PUDP: variants seen among roughly 807,000 people sequenced by gnomAD.
PUDP encodes pseudouridine-5'-phosphatase.
In PUDP, 8 loss-of-function variants were observed where a neutral mutation model predicts 9.4. The observed-to-expected ratio is 0.85, with a 90% CI of 0.50 to 1.53. The LOEUF (loss-of-function observed/expected upper bound fraction) is 1.53, where lower values mean the gene tolerates loss of function less well. Ranked by LOEUF, PUDP falls within the 40% of genes most tolerant of loss-of-function variation. The pLI, the probability that PUDP is intolerant of heterozygous loss-of-function variation, is 0.00. For synonymous variants in PUDP, 99 were observed against 80.7 expected (o/e 1.23, Z -1.22); for missense variants, 188 against 189.7 (o/e 0.99, Z 0.05).
chrX:6,771,131 C>T (rs973138319), intron 3 of PUDP, among the ~76,000 whole-genome samples: 1 of 111,690 alleles, frequency 9.0e-6, no homozygotes, highest in African/African-American at 3.3e-5. Context: ...CTCTGACACA[C>T]ATACCAGGCT....
At chrX:6,850,290 A>C (rs1166743024) in intron 3 of PUDP, among the ~76,000 whole-genome samples, 1 of 112,213 alleles carries the variant, frequency 8.9e-6, no homozygotes, top group African/African-American at 3.2e-5. Flanking sequence ...TTGTTCAGGA[A>C]TTTAATATCC....
At chrX:6,958,056 G>A (rs746813896) in intron 3 of PUDP, among the ~76,000 whole-genome samples, 4 of 112,059 alleles carry the variant, frequency 3.6e-5, no homozygotes, top group African/African-American at 1.3e-4. Flanking sequence ...CTACAGAAAG[G>A]GTACACGCTC....
Position 6,903,534 on chromosome X carries a change from C to A in PUDP, c.*247+73599G>T, listed in dbSNP as rs1363321058. Reference sequence around the variant, plus strand: ...AGTCATAATAGCAAAGTCACAGAACCAACATAGTGTCCATCAATGGCTGAC... The same window carrying A: ...AGTCATAATAGCAAAGTCACAGAACAAACATAGTGTCCATCAATGGCTGAC... On this transcript the variant is annotated intron_variant and NMD_transcript_variant, in intron 3 of 3. Transcript: ENST00000655425. Among the ~76,000 whole-genome samples, 4 of 111,328 alleles carry A rather than the reference C, an allele frequency of 3.6e-5. No individual in the cohort carries two copies. In the South Asian group the frequency reaches 1.5e-3, roughly 42 times the overall value.
intron 1 of PUDP, among the ~76,000 whole-genome samples, chrX:7,126,199 T>C (rs1332684876): frequency 3.6e-5 from 4 of 111,876 alleles, no homozygotes; most frequent in Non-Finnish European, 7.5e-5. Context: ...TTAGCTGTTA[T>C]GCTTTTGGTT....
At chrX:7,018,899 C>T (rs948565207) in intron 1 of PUDP, among the ~76,000 whole-genome samples, 1 of 112,191 alleles carries the variant, frequency 8.9e-6, no homozygotes, top group African/African-American at 3.2e-5. Context: ...TAAACAGACC[C>T]AGAATTGGGA....
chrX:6,890,286 G>C (rs1274059166), intron 3 of PUDP, among the ~76,000 whole-genome samples: 2 of 111,587 alleles, frequency 1.8e-5, no homozygotes, highest in Non-Finnish European at 3.8e-5. Flanking sequence ...AAATACCCTG[G>C]ACATTTAGAA....
chrX:6,747,640 C>T (rs748828416), intron 3 of PUDP, among the ~76,000 whole-genome samples: 2 of 112,115 alleles, frequency 1.8e-5, no homozygotes, highest in East Asian at 2.8e-4. Flanking sequence ...AATAATTTTA[C>T]GGGATCATAA....
At chrX:7,000,636 G>GA (rs921838076) in intron 1 of PUDP, among the ~76,000 whole-genome samples, 5 of 106,649 alleles carry the variant, frequency 4.7e-5, no homozygotes, top group African/African-American at 1.0e-4. Flanking sequence ...AAATAAAATA[G>GA]AAAAAAAATT....
chrX:6,800,621 C>T (rs1569101525), intron 3 of PUDP, among the ~76,000 whole-genome samples: 1 of 111,862 alleles, frequency 8.9e-6, no homozygotes. Context: ...GAAGGATGCT[C>T]GGACAACATC....
intron 3 of PUDP, among the ~76,000 whole-genome samples, chrX:6,903,250 A>G (rs1927717290): frequency 8.9e-6 from 1 of 112,101 alleles, no homozygotes; most frequent in South Asian, 3.8e-4. Flanking sequence ...CAGGAATCCT[A>G]TATAAGAAAC....
chrX:6,778,463 T>C (rs1925503509), intron 3 of PUDP, among the ~76,000 whole-genome samples: 1 of 112,633 alleles, frequency 8.9e-6, no homozygotes, highest in Admixed American at 9.4e-5. Flanking sequence ...CTCTTTGATT[T>C]CCAGGGAATT....
intron 1 of PUDP, among the ~76,000 whole-genome samples, chrX:7,128,583 G>A (rs1932541355): frequency 9.0e-6 from 1 of 111,104 alleles, no homozygotes; most frequent in African/African-American, 3.3e-5. Flanking sequence ...GGCAGTCGCT[G>A]CCCTGGAGAA....
rs1263021077 is a variant in PUDP at position 7,012,954 on chromosome X, AT to A, written c.205-34612del. Among the ~76,000 whole-genome samples the A allele has an allele frequency of 1.3e-4, 14 of 110,644 alleles. 1 individual carries two copies. Among genetic ancestry groups the A allele is most frequent in the Non-Finnish European group, 2.1e-4 (11 of 52,880 alleles). ...GATGGTAGTGGGGGTGGGGGGTGTA[AT>A]TTCCTCCCTATGTGAGTAGCATTAA... is the stretch of plus-strand genomic sequence containing the variant. On this transcript the variant is annotated intron_variant and NMD_transcript_variant, in intron 1 of 3. Coordinates refer to the PUDP transcript ENST00000655425.
At chrX:7,130,408 A>G (rs1463368923) in intron 1 of PUDP, among the ~76,000 whole-genome samples, 1 of 110,694 alleles carries the variant, frequency 9.0e-6, no homozygotes, top group African/African-American at 3.3e-5. Flanking sequence ...GAGGAGGAGG[A>G]CAAAACATGG....
chrX:6,961,634 T>C (rs1928709502), intron 3 of PUDP, among the ~76,000 whole-genome samples: 2 of 111,899 alleles, frequency 1.8e-5, no homozygotes, highest in Admixed American at 9.5e-5. Flanking sequence ...ATGACTCTCC[T>C]TAACCTTCCC....
intron 2 of PUDP, among the ~76,000 whole-genome samples, chrX:7,085,668 C>A (rs1277657421): frequency 8.9e-6 from 1 of 112,134 alleles, no homozygotes; most frequent in Non-Finnish European, 1.9e-5. Flanking sequence ...AAAACATATG[C>A]TGATGCATTT....
In PUDP at chrX:6,887,553, CT is replaced by C. The variant is rs911489948; in HGVS notation, c.*247+89579del. Reference sequence around the variant, plus strand: ...TCTATGGGTGGGTCTCGGGCGTGAGCTTTTTTTCACATTCCAACAGTCAAGT... The same window carrying C: ...TCTATGGGTGGGTCTCGGGCGTGAGCTTTTTTCACATTCCAACAGTCAAGT... On this transcript the variant is annotated intron_variant and NMD_transcript_variant, in intron 3 of 3. Transcript: ENST00000655425. Among the ~76,000 whole-genome samples, 5 of 110,298 alleles carry C rather than the reference CT, an allele frequency of 4.5e-5. 1 individual carries two copies. The highest frequency in any genetic ancestry group is 9.4e-5 in the Non-Finnish European group (5 of 52,962).
At chrX:7,069,002 G>T (rs1456262244) in intron 3 of PUDP, among the ~76,000 whole-genome samples, 1 of 112,045 alleles carries the variant, frequency 8.9e-6, no homozygotes, top group Non-Finnish European at 1.9e-5. Flanking sequence ...TAGCAGATAA[G>T]ATCACCCAGG....
intron 3 of PUDP, among the ~76,000 whole-genome samples, chrX:6,933,118 T>C (rs1209847518): frequency 6.4e-5 from 7 of 109,994 alleles, no homozygotes; most frequent in Non-Finnish European, 1.3e-4. Flanking sequence ...AAGAGAGCAG[T>C]GGTTCTCCCA....
Sources: allele counts gnomAD v4.1 joint callset (sites outside exome capture counted in the v4.1 genomes callset), GRCh38; gene constraint gnomAD v4.1.1; transcripts MANE v1.5; gene names NCBI Gene and HGNC (gene_info 2026-07-23, HGNC 2026-07-21).